B3GLCT: variants seen among roughly 807,000 people sequenced by gnomAD.
The protein encoded by B3GLCT is beta 3-glucosyltransferase, also known as beta-1,3-glucosyltransferase.
A neutral mutation model predicts 63.4 loss-of-function variants in B3GLCT; 65 were observed. The observed-to-expected ratio is 1.03, with a 90% CI of 0.84 to 1.26. The LOEUF (loss-of-function observed/expected upper bound fraction) is 1.26. Ranked by LOEUF, B3GLCT falls within the 50% of genes most tolerant of loss-of-function variation. The pLI, the probability that B3GLCT is intolerant of heterozygous loss-of-function variation, is 0.00. For missense variants in B3GLCT, 577 were observed against 604.8 expected (o/e 0.95, Z 0.48); for synonymous variants, 233 against 219.2 (o/e 1.06, Z -0.55).
intron 12 of B3GLCT, among the ~76,000 whole-genome samples, chr13:31,316,407 T>TTACATATATATATATA (rs1555255279): frequency 4.9e-5 from 2 of 40,870 alleles, no homozygotes; most frequent in East Asian, 2.1e-3. Context: ...TTTGGAGGTT[T>TTACATATATATATATA]TATATATATA....
At chr13:31,291,654 G>A (rs570284785) in intron 12 of B3GLCT, among the ~76,000 whole-genome samples, 97 of 152,166 alleles carry the variant, frequency 6.4e-4, no homozygotes, top group African/African-American at 2.0e-3. Flanking sequence ...TGTGATTTTC[G>A]CACATTGATT....
chr13:31,247,790 G>A (rs1006887899), intron 5 of B3GLCT, 65 bp from the exon 6 acceptor site: 26 of 839,464 alleles, frequency 3.1e-5, no homozygotes, highest in Non-Finnish European at 5.1e-5. Flanking sequence ...CTACTGATCA[G>A]TTTTAAACCT....
chr13:31,264,873 A>G (rs1872213544), intron 7 of B3GLCT, among the ~76,000 whole-genome samples: 1 of 152,216 alleles, frequency 6.6e-6, no homozygotes, highest in African/African-American at 2.4e-5. Flanking sequence ...CTCAAACTGG[A>G]TTAAGGAAAT....
intron 11 of B3GLCT, among the ~76,000 whole-genome samples, 172 bp downstream of exon 11, chr13:31,284,933 G>C (rs1873248401): frequency 6.6e-6 from 1 of 152,122 alleles, no homozygotes; most frequent in African/African-American, 2.4e-5. Flanking sequence ...GGGCTTTATA[G>C]TACGAAGTGT....
At chr13:31,276,813 G>T in intron 10 of B3GLCT, 42 bp downstream of exon 10, 1 of 1,373,726 alleles carries the variant, frequency 7.3e-7, no homozygotes, top group South Asian at 1.2e-5. Context: ...CTAAAATCCA[G>T]ACTACCTTCT....
chr13:31,309,023 CATCCGGTGAACCAATTCTCCATCTCTAA>C (rs1345652500), intron 12 of B3GLCT, among the ~76,000 whole-genome samples: 2 of 152,174 alleles, frequency 1.3e-5, no homozygotes, highest in African/African-American at 4.8e-5. Flanking sequence ...TTTTCTTATG[CATCCGGTGAACCAATTCTCCATCTCTAA>C]ATTCCATTGG....
chr13:31,311,943 T>G (rs1313976449), intron 12 of B3GLCT, among the ~76,000 whole-genome samples: 1 of 152,094 alleles, frequency 6.6e-6, no homozygotes, highest in Non-Finnish European at 1.5e-5. Context: ...ACATTTAACA[T>G]CAAGGAAAAG....
chr13:31,211,381 G>T (rs1869251083), intron 1 of B3GLCT, among the ~76,000 whole-genome samples: 1 of 152,218 alleles, frequency 6.6e-6, no homozygotes, highest in Non-Finnish European at 1.5e-5. Context: ...GGGCAACAGA[G>T]TGAGACCTGT....
intron 4 of B3GLCT, among the ~76,000 whole-genome samples, chr13:31,230,584 C>T (rs547942048): frequency 4.6e-5 from 7 of 152,300 alleles, no homozygotes; most frequent in South Asian, 4.1e-4. Flanking sequence ...AACTGTCTTG[C>T]GTCCCTGCAA....
At chr13:31,309,750 C>A (rs1431258880) in intron 12 of B3GLCT, among the ~76,000 whole-genome samples, 1 of 152,148 alleles carries the variant, frequency 6.6e-6, no homozygotes, top group African/African-American at 2.4e-5. Flanking sequence ...CAAACCCTGT[C>A]CTTTTGGGGT....
intron 4 of B3GLCT, among the ~76,000 whole-genome samples, chr13:31,245,306 T>TTA (rs539714895): frequency 0.032 from 4,803 of 152,216 alleles, 107 homozygotes; most frequent in Admixed American, 0.059. Context: ...TGATATTACA[T>TTA]TATATATATA....
chr13:31,273,332 G>A (rs552573042), intron 8 of B3GLCT, among the ~76,000 whole-genome samples: 19 of 152,268 alleles, frequency 1.2e-4, no homozygotes, highest in Non-Finnish European at 1.9e-4. Context: ...CTGACCTGGC[G>A]ATCTGCCCGC....
At chr13:31,246,951 C>CTTTTTTTTTTTTTTTTTCTTTTTTT in intron 4 of B3GLCT, 72 bp from the exon 5 acceptor site, 2 of 778,770 alleles carry the variant, frequency 2.6e-6, no homozygotes, top group Non-Finnish European at 4.0e-6. Flanking sequence ...CTTTTCTTTT[C>CTTTTTTTTTTTTTTTTTCTTTTTTT]TTTTTTTTTT....
intron 6 of B3GLCT, among the ~76,000 whole-genome samples, chr13:31,259,136 C>T (rs184810870): frequency 9.1e-4 from 138 of 152,180 alleles, no homozygotes; most frequent in African/African-American, 3.2e-3. Flanking sequence ...TTCTTTGGTG[C>T]AATTTAAAAA....
chr13:31,317,474 C>A, intron 12 of B3GLCT, 92 bp from the exon 13 acceptor site: 1 of 1,417,688 alleles, frequency 7.1e-7, no homozygotes, highest in Non-Finnish European at 9.9e-7. Flanking sequence ...TAGTATTACA[C>A]AGTATACAGA....
At chr13:31,293,823 T>C (rs1377369431) in intron 12 of B3GLCT, among the ~76,000 whole-genome samples, 1 of 152,222 alleles carries the variant, frequency 6.6e-6, no homozygotes, top group Admixed American at 6.5e-5. Context: ...GTTAATATTG[T>C]TATGTGTGAA....
At chr13:31,275,075 A>T (rs1423209370) in intron 9 of B3GLCT, among the ~76,000 whole-genome samples, 1 of 152,176 alleles carries the variant, frequency 6.6e-6, no homozygotes, top group Non-Finnish European at 1.5e-5. Flanking sequence ...GTATATCTGT[A>T]CCACATTTTC....
intron 3 of B3GLCT, among the ~76,000 whole-genome samples, chr13:31,225,763 T>C (rs1018467306): frequency 1.3e-5 from 2 of 152,212 alleles, no homozygotes; most frequent in African/African-American, 2.4e-5. Flanking sequence ...ACCCCTTTTT[T>C]CCCCCATCTT....
chr13:31,311,765 C>T (rs1874723052), intron 12 of B3GLCT: 1 of 152,170 alleles, frequency 6.6e-6, no homozygotes, highest in Admixed American at 6.5e-5. Context: ...GCCACAAAAG[C>T]CATGAGCTAC....
Sources: allele counts gnomAD v4.1 joint callset (sites outside exome capture counted in the v4.1 genomes callset), GRCh38; gene constraint gnomAD v4.1.1; transcripts MANE v1.5; gene names NCBI Gene and HGNC (gene_info 2026-07-23, HGNC 2026-07-21).